EVC2: variants seen among roughly 807,000 people sequenced by gnomAD.
EVC2 encodes the protein EvC ciliary complex subunit 2.
Under a neutral mutation model 149.3 loss-of-function variants are expected in EVC2, and 148 were observed. The ratio of observed to expected loss-of-function variants is 0.99; its 90% CI spans 0.87 to 1.14. The LOEUF is 1.14. Among genes scored for constraint, EVC2 ranks in the 50% most tolerant of loss-of-function variants. The pLI, the probability that EVC2 is intolerant of heterozygous loss-of-function variation, is 0.00. For missense variants in EVC2, 1,854 were observed against 1,627.3 expected, an observed-to-expected ratio of 1.14 and a Z score of -2.40; for synonymous variants, 776 against 649.9, an observed-to-expected ratio of 1.19 and a Z score of -2.95.
intron 16 of EVC2, among the ~76,000 whole-genome samples, chr4:5,612,847 G>A (rs6815154): frequency 0.44 from 65,328 of 149,002 alleles, 17,831 homozygotes; most frequent in African/African-American, 0.77. Context: ...GCGTGAACCC[G>A]GGAGGCAGAG....
rs374214658 is a variant in EVC2, at chr4:5,674,633, C to T, written c.870+6627G>A. ...TGGTCAGGGTCCAGCAGGAGGTTTA[C>T]AAGTTGCCCAAAGAACAGGTAAGCT... On this transcript the variant is annotated intron_variant, in intron 7 of 21. Transcript: ENST00000344408. Among the ~76,000 whole-genome samples the T allele has an allele frequency of 3.3e-5, 5 of 152,118 alleles. No individual in the cohort carries two copies. The East Asian group carries it at 5.8e-4, about 18-fold the overall frequency.
chr4:5,632,022 T>C lies in EVC2; in HGVS notation c.1481A>G (p.Glu494Gly). 1 of 1,614,064 alleles carries C rather than the reference T, an allele frequency of 6.2e-7. No individual in the cohort carries two copies. Among genetic ancestry groups the C allele is most frequent in the Non-Finnish European group, 8.5e-7 (1 of 1,179,986 alleles). Residue 494 changes from glutamate (E) to glycine (G), a missense_variant, in exon 11 of 22, where the codon GAG becomes GGG. Glu to Gly is a moderately conservative substitution (Grantham distance 98, BLOSUM62 -2). Transcript: ENST00000344408. ...GAGGGTCCGCAGAAGGTTGCTGCAC[T>C]CTACAGCAGACTGGAGAGAGGAAAG... The part of the protein sequence containing the change: ...LKRAGERSAV[E>G]CSNLLRTLHG...
chr4:5,640,806 G>T lies in EVC2; in HGVS notation c.1178C>A (p.Ala393Glu). Residue 393 changes from alanine to glutamate, a missense_variant, in exon 10 of 22, where the codon GCA becomes GAA. Physicochemically the swap from Ala to Glu is moderately radical, Grantham distance 107 (BLOSUM62 -1). Coordinates refer to ENST00000344408, the MANE Select transcript of EVC2 (RefSeq NM_147127.5). The surrounding 1 kb of genome is among the most constrained non-coding windows in gnomAD (Gnocchi z 4.6). ...LEIATLNRAD[A>E]DLEACRTQIS... ...TTGTGTTCGACAAGCCTCCAGATCT[G>T]CATCTGCCCGATTCAGGGTTGCAAT... 7 of 1,614,158 alleles carry T rather than the reference G, an allele frequency of 4.3e-6. No homozygotes were observed. The highest frequency in any genetic ancestry group is 5.9e-6 in the Non-Finnish European group (7 of 1,180,024).
rs1715387796 is a variant in EVC2 at position 5,618,019 on chromosome 4, C to T, written c.2706+459G>A. ...TCATTAAAAGGCAGCTACCAGTCAT[C>T]ATCCTTTAAGACCCTGTGCAAGAGC... is the stretch of plus-strand genomic sequence containing the variant. On this transcript the variant is annotated intron_variant, in intron 15 of 21. Coordinates refer to ENST00000344408, the MANE Select transcript of EVC2 (RefSeq NM_147127.5). This position sits in a 1 kb window ranked among gnomAD's most constrained non-coding sequence, Gnocchi z 4.4. Among the ~76,000 whole-genome samples the T allele has an allele frequency of 6.6e-6, 1 of 152,176 alleles. No homozygotes were observed. The highest frequency in any genetic ancestry group is 6.5e-5 in the Admixed American group (1 of 15,286).
At chr4:5,597,979 G>A (rs1713607763) in intron 16 of EVC2, among the ~76,000 whole-genome samples, 1 of 115,422 alleles carries the variant, frequency 8.7e-6, no homozygotes, top group East Asian at 3.6e-4. Context: ...TTGCTTCAAA[G>A]AGAATAAAAT....
At chr4:5,651,432 C>T (rs78984860) in intron 9 of EVC2, among the ~76,000 whole-genome samples, 3 of 150,672 alleles carry the variant, frequency 2.0e-5, no homozygotes, top group Admixed American at 1.3e-4. Context: ...TGATGGATGG[C>T]GGAATGAGTA....
At chr4:5,551,793 G>T (rs544810248) in intron 21 of EVC2, among the ~76,000 whole-genome samples, 8 of 152,092 alleles carry the variant, frequency 5.3e-5, no homozygotes, top group Non-Finnish European at 8.8e-5. Flanking sequence ...CATGGGGGCC[G>T]GTCTTTCCCG....
At chr4:5,594,108 C>T (rs975088327) in intron 16 of EVC2, among the ~76,000 whole-genome samples, 3 of 152,188 alleles carry the variant, frequency 2.0e-5, no homozygotes, top group African/African-American at 4.8e-5. Flanking sequence ...TCAAGCAGGC[C>T]TGCCTGCCTC....
Position 5,679,850 on chromosome 4 carries a change from T to A in EVC2, c.870+1410A>T, listed in dbSNP as rs932251790. ...GTAATTTTTTTTTTAACATTTTGAC[T>A]CTTTGGTAATAACACAGCTTAAAAC... On this transcript the variant is annotated intron_variant, in intron 7 of 21. Transcript: ENST00000344408. This position sits in a 1 kb window ranked among gnomAD's most constrained non-coding sequence, Gnocchi z 5.1. Among the ~76,000 whole-genome samples, 3 of 152,106 alleles carry A rather than the reference T, an allele frequency of 2.0e-5. No individual in the cohort carries two copies. The highest frequency in any genetic ancestry group is 2.0e-4 in the Admixed American group (3 of 15,270).
chr4:5,647,112 G>C (rs61231872), intron 9 of EVC2, among the ~76,000 whole-genome samples: 3,216 of 152,276 alleles, frequency 0.021, 116 homozygotes, highest in African/African-American at 0.073. Context: ...TCACCTGGGA[G>C]GAAAATGCCC....
intron 6 of EVC2, 91 bp downstream of exon 6, chr4:5,685,279 A>G (rs1720618773): frequency 4.9e-6 from 6 of 1,231,942 alleles, no homozygotes; most frequent in Non-Finnish European, 7.2e-6. Flanking sequence ...GAAGGAAGGA[A>G]CTAACAGGTC....
chr4:5,614,693 C>T lies in EVC2; in HGVS notation c.2829+729G>A, dbSNP rs535612338. Among the ~76,000 whole-genome samples, 2 of 152,222 alleles carry T rather than the reference C, an allele frequency of 1.3e-5. No individual in the cohort carries two copies. The highest frequency in any genetic ancestry group is 4.2e-4 in the South Asian group (2 of 4,818). On this transcript the variant is annotated intron_variant, in intron 16 of 21. Coordinates refer to ENST00000344408, the MANE Select transcript of EVC2 (RefSeq NM_147127.5). The surrounding 1 kb of genome is among the most constrained non-coding windows in gnomAD (Gnocchi z 4.7). ...CTAGAACATCACGTATGAAATGGGG[C>T]TGGGCCAGGCACAGTGCCTCACGCC...
intron 16 of EVC2, among the ~76,000 whole-genome samples, chr4:5,611,777 A>C (rs528518086): frequency 1.3e-5 from 2 of 152,326 alleles, no homozygotes; most frequent in Non-Finnish European, 2.9e-5. Context: ...AAGTAATCTG[A>C]AACTTAAGTT....
At chr4:5,629,149 G>C (rs1442047165) in intron 11 of EVC2, among the ~76,000 whole-genome samples, 3 of 152,136 alleles carry the variant, frequency 2.0e-5, no homozygotes, top group Non-Finnish European at 4.4e-5. Context: ...CACCACCACA[G>C]AGGAGACAAA....
At chr4:5,586,283 T>C (rs773984767) in intron 16 of EVC2, among the ~76,000 whole-genome samples, 9 of 152,338 alleles carry the variant, frequency 5.9e-5, no homozygotes, top group East Asian at 1.9e-4. Flanking sequence ...GCTATAGCTC[T>C]GTTTTGTTAT....
At chr4:5,537,721 AC>A in the EVC2 span, among the ~76,000 whole-genome samples, 15 of 152,298 alleles carry the variant, frequency 9.8e-5, no homozygotes, top group South Asian at 3.1e-3. Flanking sequence ...GTGCAAAATA[AC>A]GAAGAAAATA....
In EVC2 at chr4:5,631,834, C is replaced by G; in HGVS notation, c.1669G>C (p.Glu557Gln). Residue 557 changes from glutamate to glutamine, a missense_variant, in exon 11 of 22, where the codon GAG (glutamate) becomes CAG (glutamine). Glu to Gln is a conservative substitution (Grantham distance 29, BLOSUM62 2). Coordinates refer to ENST00000344408, the MANE Select transcript of EVC2 (RefSeq NM_147127.5). ...TTTTGCAGCAGCATTTTAGCTGCCT[C>G]TGGTTTCAATTCCCCTTTGAAAATA... ...SAIFKGELKPEAAKMLLQNYS... is the reference protein window; with the variant it reads ...SAIFKGELKPQAAKMLLQNYS... 6.2e-7 allele frequency: 1 copy of G among 1,614,180 alleles called. No homozygotes were observed. Among genetic ancestry groups the G allele is most frequent in the Non-Finnish European group, 8.5e-7 (1 of 1,179,978 alleles).
intron 9 of EVC2, among the ~76,000 whole-genome samples, chr4:5,643,991 T>C (rs555843786): frequency 3.3e-5 from 5 of 152,344 alleles, no homozygotes; most frequent in Non-Finnish European, 5.9e-5. Context: ...CTTTTTACAA[T>C]TGAACATTTA....
chr4:5,594,850 A>T (rs1451480651), intron 16 of EVC2, among the ~76,000 whole-genome samples: 1 of 152,224 alleles, frequency 6.6e-6, no homozygotes, highest in African/African-American at 2.4e-5. Context: ...TATAACTAGA[A>T]TAACCAATAG....
Sources: gnomAD v4.1 joint callset for allele counts (sites outside exome capture counted in the v4.1 genomes callset) on GRCh38, gnomAD v4.1.1 for gene constraint, Gnocchi (gnomAD v3.1) non-coding constraint, MANE v1.5 for transcripts, NCBI Gene and HGNC (gene_info 2026-07-23, HGNC 2026-07-21) for gene names.